Variants in IFNGR2 observed in about 807,000 individuals in gnomAD.
IFNGR2 encodes the protein interferon gamma receptor 2.
A neutral mutation model predicts 41.1 loss-of-function variants in IFNGR2; 15 were observed. The observed-to-expected ratio is 0.37, with a 90% confidence interval of 0.24 to 0.56. The LOEUF is 0.56. Ranked by LOEUF, IFNGR2 falls within the 20% of genes least tolerant of loss-of-function variation. IFNGR2 has a pLI of 0.81. For synonymous variants in IFNGR2, 161 were observed against 171.6 expected, an observed-to-expected ratio of 0.94 and a Z score of 0.48; for missense variants, 362 against 415.7, an observed-to-expected ratio of 0.87 and a Z score of 1.12.
At chr21:33,429,585 G>A (rs2083868656) in intron 4 of IFNGR2, among the ~76,000 whole-genome samples, 2 of 152,262 alleles carry the variant, frequency 1.3e-5, no homozygotes, top group South Asian at 4.1e-4. Context: ...GCTGAGTCAC[G>A]CAGGATACAC....
In IFNGR2 at chr21:33,437,122, C is replaced by A; in HGVS notation, c.*160C>A. 3.5e-5 allele frequency: 20 copies of A among 576,348 alleles called. No homozygotes were observed. The highest frequency in any genetic ancestry group is 8.7e-5 in the South Asian group (4 of 45,998). 35.7% of individuals were successfully genotyped at this position (576,348 alleles called of 1,614,324 possible). On this transcript the variant is annotated 3_prime_UTR_variant, in exon 7 of 7. Transcript: ENST00000290219. The stretch of plus-strand genomic sequence containing the variant: ...GAGACAGCAGGTCTCATGGGGGTGA[C>A]AAGCTTTTTTTTTTTTTCTTAAAGA...
chr21:33,411,572 G>C (rs1420319018), intron 1 of IFNGR2: 1 of 468,118 alleles, frequency 2.1e-6, no homozygotes, highest in African/African-American at 2.0e-5. Flanking sequence ...CTCCGCAGAT[G>C]TGAGTAAGTT....
At position 33,404,324 on chromosome 21, in the gene IFNGR2, C is replaced by T. The variant is rs1238434820; in HGVS notation, c.73+708C>T. ...TTTGACACTGGGTGTGAAATCTAGACAGTTCCCGCGGTCATAGAGATGGGG... is the reference window on the plus strand; with the variant it reads ...TTTGACACTGGGTGTGAAATCTAGATAGTTCCCGCGGTCATAGAGATGGGG... On this transcript the variant is annotated intron_variant, in intron 1 of 6. Transcript: ENST00000290219. Among the ~76,000 whole-genome samples, 5 of 152,220 alleles carry T rather than the reference C, an allele frequency of 3.3e-5. No homozygotes were observed. The East Asian group carries it at 9.6e-4, about 29-fold the overall frequency.
At position 33,421,606 on chromosome 21, in the gene IFNGR2, C is replaced by T. The variant is rs1180886114; in HGVS notation, c.333C>T (p.Val111=). 1.9e-6 allele frequency: 3 copies of T among 1,614,144 alleles called. No individual in the cohort carries two copies. Among genetic ancestry groups the T allele is most frequent in the South Asian group, 1.1e-5 (1 of 91,088 alleles). ...CAGGCTTCCCAATGGATTTCAATGTCACTCTACGCCTTCGAGCTGAGCTGG... is the reference window on the plus strand; with the variant it reads ...CAGGCTTCCCAATGGATTTCAATGTTACTCTACGCCTTCGAGCTGAGCTGG... ...PSAGFPMDFN[V]TLRLRAELGA... Residue 111 remains valine, a synonymous_variant, in exon 3 of 7, where the codon GTC becomes GTT. Coordinates refer to ENST00000290219, the MANE Select transcript of IFNGR2 (RefSeq NM_005534.4).
chr21:33,433,596 C>T (rs777304492), intron 6 of IFNGR2, among the ~76,000 whole-genome samples: 58 of 151,900 alleles, frequency 3.8e-4, no homozygotes, highest in Admixed American at 7.2e-4. Context: ...ATGGTGGTTG[C>T]GGTGGTGGAG....
intron 1 of IFNGR2, chr21:33,411,641 C>A: frequency 2.6e-6 from 1 of 387,544 alleles, no homozygotes; most frequent in Non-Finnish European, 5.4e-6. Flanking sequence ...CTTATACCAC[C>A]ACAGGGTCCC....
Position 33,437,160 on chromosome 21 carries a change from A to C in IFNGR2, c.*198A>C. The C allele has an allele frequency of 1.7e-6, 1 of 573,620 alleles. No individual in the cohort carries two copies. Among genetic ancestry groups the C allele is most frequent in the Non-Finnish European group, 3.1e-6 (1 of 323,972 alleles). The allele number at this position is 573,620 out of a possible 1,614,324, so 35.5% of individuals were successfully genotyped here. A position where few individuals can be genotyped will look rare whatever the true frequency, so the allele number is the denominator to read the frequency against. On this transcript the variant is annotated 3_prime_UTR_variant, in exon 7 of 7. Coordinates refer to ENST00000290219, the MANE Select transcript of IFNGR2 (RefSeq NM_005534.4). ...TTTTTCTTAAAGAATTTTCAAAATC[A>C]AATTCCAGAATGATTTTACGGAGAT...
Position 33,407,865 on chromosome 21 carries a change from C to T in IFNGR2, c.73+4249C>T, listed in dbSNP as rs575461604. On this transcript the variant is annotated intron_variant, in intron 1 of 6. Coordinates refer to ENST00000290219, the MANE Select transcript of IFNGR2 (RefSeq NM_005534.4). Reference sequence around the variant, plus strand: ...CACCGCACCCCCCCCCGCCAACCCCCGCCAGCCTCAGCCTCCCAAAGTGTT... The same window carrying T: ...CACCGCACCCCCCCCCGCCAACCCCTGCCAGCCTCAGCCTCCCAAAGTGTT... Among the ~76,000 whole-genome samples, 39 of 148,898 alleles carry T rather than the reference C, an allele frequency of 2.6e-4. No homozygotes were observed. In the East Asian group the frequency reaches 6.2e-3, roughly 24 times the overall value.
chr21:33,426,764 A>C, intron 3 of IFNGR2, 120 bp from the exon 4 acceptor site: 1 of 542,466 alleles, frequency 1.8e-6, no homozygotes, highest in East Asian at 3.8e-5. Flanking sequence ...GTGTGTGTAT[A>C]TATCTACACC....
At chr21:33,410,994 C>A in intron 1 of IFNGR2, 1 of 877,154 alleles carries the variant, frequency 1.1e-6, no homozygotes, top group Non-Finnish European at 1.9e-6. Flanking sequence ...CATCGGGGGC[C>A]ATGTGGCCTG....
upstream of IFNGR2, chr21:33,402,988 G>C (rs991613345): frequency 6.7e-6 from 1 of 150,004 alleles, no homozygotes; most frequent in Non-Finnish European, 1.5e-5. Flanking sequence ...AGGGGGGCGG[G>C]GGAGAGTTGA....
chr21:33,423,035 ACTTTT>A (rs2083806834), intron 3 of IFNGR2, among the ~76,000 whole-genome samples: 1 of 118,146 alleles, frequency 8.5e-6, no homozygotes, highest in Non-Finnish European at 1.9e-5. Flanking sequence ...TCTTCCCTCT[ACTTTT>A]TTTTTTTTTT....
chr21:33,407,511 G>T (rs1601065875), intron 1 of IFNGR2, among the ~76,000 whole-genome samples: 1 of 152,192 alleles, frequency 6.6e-6, no homozygotes, highest in South Asian at 2.1e-4. Context: ...TTCGAACTAG[G>T]TTATATCTCT....
At chr21:33,424,157 C>T (rs2083816895) in intron 3 of IFNGR2, among the ~76,000 whole-genome samples, 2 of 151,944 alleles carry the variant, frequency 1.3e-5, no homozygotes, top group Admixed American at 1.3e-4. Flanking sequence ...AAAAGTTAGC[C>T]GGGTATGATG....
chr21:33,415,600 G>A (rs546555765), intron 2 of IFNGR2, among the ~76,000 whole-genome samples: 30 of 152,256 alleles, frequency 2.0e-4, no homozygotes, highest in African/African-American at 4.1e-4. Context: ...TTTTGTTTAC[G>A]TTGTTAAGTA....
intron 6 of IFNGR2, 98 bp from the exon 7 acceptor site, chr21:33,436,725 AAAAAT>A: frequency 1.9e-5 from 18 of 964,564 alleles, no homozygotes; most frequent in South Asian, 6.4e-5. Context: ...ATCTCAAAAA[AAAAAT>A]AAAAATAAAA....
intron 4 of IFNGR2, 79 bp downstream of exon 4, chr21:33,427,111 A>G: frequency 7.8e-7 from 1 of 1,278,540 alleles, no homozygotes. Context: ...AACCTTTAAC[A>G]TGGGCAAGAA....
intron 1 of IFNGR2, among the ~76,000 whole-genome samples, chr21:33,407,912 C>T (rs1479808438): frequency 6.9e-6 from 1 of 144,456 alleles, no homozygotes; most frequent in African/African-American, 2.6e-5. Context: ...CATGAGCTAC[C>T]ATGCCTGGCC....
chr21:33,435,083 T>C (rs1206279449), intron 6 of IFNGR2, among the ~76,000 whole-genome samples: 3 of 152,240 alleles, frequency 2.0e-5, no homozygotes, highest in African/African-American at 7.2e-5. Flanking sequence ...TACAAGCTTA[T>C]TGTCTTCCAG....
Sources: allele counts gnomAD v4.1 joint callset (sites outside exome capture counted in the v4.1 genomes callset), GRCh38; gene constraint gnomAD v4.1.1; transcripts MANE v1.5; gene names NCBI Gene and HGNC (gene_info 2026-07-23, HGNC 2026-07-21).